The following FILIP1 variants were observed in gnomAD, a reference collection of about 807,000 sequenced individuals.
FILIP1 encodes the protein filamin-A-interacting protein 1.
A neutral mutation model predicts 102.1 loss-of-function variants in FILIP1; 61 were observed. The observed-to-expected ratio is 0.60, with a 90% CI of 0.49 to 0.74. The LOEUF (loss-of-function observed/expected upper bound fraction) is 0.74. Among genes scored for constraint, FILIP1 ranks in the 30% least tolerant of loss-of-function variants. The pLI is 0.00. For synonymous variants in FILIP1, 491 were observed against 526.9 expected (o/e 0.93, Z 0.93); for missense variants, 1,314 against 1,441.2 (o/e 0.91, Z 1.43).
intron 4 of FILIP1, among the ~76,000 whole-genome samples, chr6:75,317,477 T>C (rs1005815241): frequency 5.9e-5 from 9 of 152,234 alleles, no homozygotes; most frequent in African/African-American, 2.2e-4. Flanking sequence ...GCTATTGGCT[T>C]CATCTGGAAA....
At chr6:75,317,017 T>G (rs547706965) in intron 4 of FILIP1, among the ~76,000 whole-genome samples, 1 of 152,230 alleles carries the variant, frequency 6.6e-6, no homozygotes, top group Non-Finnish European at 1.5e-5. Context: ...AAGCTTAACA[T>G]GTTAAAGCTT....
intron 1 of FILIP1, among the ~76,000 whole-genome samples, chr6:75,415,533 GAAAAAAA>G (rs34828375): frequency 1.3e-5 from 1 of 78,760 alleles, no homozygotes; most frequent in African/African-American, 4.9e-5. Flanking sequence ...TCACAGTGTG[GAAAAAAA>G]AAAAAAAAAA....
chr6:75,491,795 CAATT>C (rs1779965376), intron 1 of FILIP1, among the ~76,000 whole-genome samples: 1 of 152,108 alleles, frequency 6.6e-6, no homozygotes, highest in Admixed American at 6.6e-5. Context: ...ACAATGAAGA[CAATT>C]AATGATACTG....
chr6:75,399,422 C>T (rs1425028114), intron 2 of FILIP1: 2 of 152,170 alleles, frequency 1.3e-5, no homozygotes, highest in African/African-American at 4.8e-5. Flanking sequence ...ACTTGGACTG[C>T]TAAGACAATA....
intron 1 of FILIP1, among the ~76,000 whole-genome samples, chr6:75,431,640 C>CCTGTCAGCTGT (rs1299910003): frequency 2.6e-5 from 4 of 152,114 alleles, no homozygotes; most frequent in Non-Finnish European, 5.9e-5. Context: ...AGCTGACAAA[C>CCTGTCAGCTGT]CAGAGTGAGG....
At chr6:75,474,936 C>T (rs1445986834) in intron 1 of FILIP1, among the ~76,000 whole-genome samples, 1 of 152,024 alleles carries the variant, frequency 6.6e-6, no homozygotes, top group Non-Finnish European at 1.5e-5. Context: ...CTCTCCTGCT[C>T]CTGCTCTGGC....
intron 3 of FILIP1, among the ~76,000 whole-genome samples, chr6:75,356,199 T>G (rs1774994396): frequency 6.6e-6 from 1 of 152,190 alleles, no homozygotes; most frequent in Admixed American, 6.5e-5. Context: ...CTATTCCCCT[T>G]TAGTTTCTGT....
Position 75,313,385 on chromosome 6 carries a change from T to G in FILIP1, c.2447A>C (p.Glu816Ala). 2 of 1,614,208 alleles carry G rather than the reference T, an allele frequency of 1.2e-6. No homozygotes were observed. Among genetic ancestry groups the G allele is most frequent in the Non-Finnish European group, 1.7e-6 (2 of 1,180,038 alleles). ...TATGAATACAGCTGGCGTTTCTTCC[T>G]CTGCTGCTTCACCGCTGACTGCATC... is the stretch of plus-strand genomic sequence containing the variant. ...QTDAVSGEAAEEETPAVFIRK... is the reference protein window; with the variant it reads ...QTDAVSGEAAAEETPAVFIRK... Residue 816 changes from glutamate (E) to alanine (A), a missense_variant, in exon 5 of 6, where the codon GAG (glutamate) becomes GCG (alanine). Glu to Ala is a moderately radical substitution (Grantham distance 107). Around this residue, in one of 3 missense-constraint regions of FILIP1, gnomAD observed 816 missense variants for 913.1 expected, o/e 0.89. Coordinates refer to ENST00000237172, the MANE Select transcript of FILIP1 (RefSeq NM_015687.5). The surrounding 1 kb of genome is among the most constrained non-coding windows in gnomAD (Gnocchi z 4.2).
At chr6:75,323,347 A>G (rs1177182785) in intron 4 of FILIP1, among the ~76,000 whole-genome samples, 1 of 152,242 alleles carries the variant, frequency 6.6e-6, no homozygotes, top group Non-Finnish European at 1.5e-5. Context: ...GGTGAATTTT[A>G]CTGTATGTAA....
intron 1 of FILIP1, among the ~76,000 whole-genome samples, chr6:75,433,970 G>C (rs980068133): frequency 2.0e-5 from 3 of 152,026 alleles, no homozygotes; most frequent in East Asian, 3.8e-4. Flanking sequence ...TCTTGTTTTT[G>C]TCAGGTTTGT....
intron 1 of FILIP1, among the ~76,000 whole-genome samples, chr6:75,455,873 A>G (rs1172700198): frequency 6.6e-6 from 1 of 152,192 alleles, no homozygotes; most frequent in African/African-American, 2.4e-5. Flanking sequence ...AATATGTTCT[A>G]TTTCTTAAAG....
chr6:75,482,658 T>C (rs1219004544), intron 1 of FILIP1, among the ~76,000 whole-genome samples: 3 of 152,228 alleles, frequency 2.0e-5, no homozygotes, highest in Non-Finnish European at 4.4e-5. Flanking sequence ...AGTGAACATT[T>C]AAAACATTTG....
intron 2 of FILIP1, among the ~76,000 whole-genome samples, chr6:75,391,532 A>G (rs1034829336): frequency 6.6e-6 from 1 of 152,110 alleles, no homozygotes; most frequent in Non-Finnish European, 1.5e-5. Flanking sequence ...TCACTTTCAT[A>G]CACCTACTGC....
In FILIP1 at chr6:75,314,890, A is replaced by G. The variant is rs766405419; in HGVS notation, c.942T>C (p.His314=). 1.2e-6 allele frequency: 2 copies of G among 1,614,080 alleles called. No individual in the cohort carries two copies. Among genetic ancestry groups the G allele is most frequent in the Middle Eastern group, 1.6e-4 (1 of 6,062 alleles). The change falls in exon 5 of 6, where the codon CAT becomes CAC. Residue 314 remains histidine (H), a synonymous_variant. Coordinates refer to ENST00000237172, the MANE Select transcript of FILIP1 (RefSeq NM_015687.5). ...TAGCCAGTTTAGCGTTCATCTCTTC[A>G]TGCTCTTGAGAAAACCTCGAAGCCT... ...EHKASRFSQE[H]EEMNAKLANQ...
At chr6:75,293,258 G>A (rs1052266215) in exon 7 of FILIP1, 3 of 152,150 alleles carry the variant, frequency 2.0e-5, no homozygotes, top group African/African-American at 7.2e-5. Flanking sequence ...GATGACTGGA[G>A]ACTTATTTAC....
chr6:75,308,878 G>T lies in FILIP1; in HGVS notation c.3455C>A (p.Ser1152Tyr). ...TQSVSGQDGS[S>Y]QRPTPTRIPM... Reference sequence around the variant, plus strand: ...AATGCGGGTGGGTGTAGGCCGCTGGGATGACCCGTCTTGTCCTGACTGTAA... The same window carrying T: ...AATGCGGGTGGGTGTAGGCCGCTGGTATGACCCGTCTTGTCCTGACTGTAA... The change falls in exon 6 of 6, where the codon TCC (serine) becomes TAC (tyrosine). Residue 1152 changes from serine to tyrosine, a missense_variant. By Grantham distance (144) the Ser-to-Tyr change is moderately radical. Around this residue, in one of 3 missense-constraint regions of FILIP1, gnomAD observed 816 missense variants for 913.1 expected, o/e 0.89. Coordinates refer to ENST00000237172, the MANE Select transcript of FILIP1 (RefSeq NM_015687.5). 1.2e-6 allele frequency: 2 copies of T among 1,614,114 alleles called. No individual in the cohort carries two copies.
In FILIP1 at chr6:75,314,416, C is replaced by T. The variant is rs780293127; in HGVS notation, c.1416G>A (p.Val472=). The T allele has an allele frequency of 1.9e-6, 3 of 1,547,218 alleles. No homozygotes were observed. Among genetic ancestry groups the T allele is most frequent in the Non-Finnish European group, 2.6e-6 (3 of 1,155,068 alleles). The change falls in exon 5 of 6, where the codon GTG becomes GTA. Residue 472 remains valine (V), a synonymous_variant. Transcript: ENST00000237172. Reference sequence around the variant, plus strand: ...CCAATTCTTTAACTCGACTCTTGACCACCTCCAATTCATTTAGCAGGTCTT... The same window carrying T: ...CCAATTCTTTAACTCGACTCTTGACTACCTCCAATTCATTTAGCAGGTCTT... ...LTKDLLNELE[V]VKSRVKELEC...
At chr6:75,320,537 A>G (rs1319426081) in intron 4 of FILIP1, among the ~76,000 whole-genome samples, 1 of 152,200 alleles carries the variant, frequency 6.6e-6, no homozygotes, top group Non-Finnish European at 1.5e-5. Flanking sequence ...AGATCACATC[A>G]CTGCACTCCA....
intron 4 of FILIP1, among the ~76,000 whole-genome samples, chr6:75,344,250 G>T (rs1263405240): frequency 6.6e-6 from 1 of 152,060 alleles, no homozygotes; most frequent in Non-Finnish European, 1.5e-5. Flanking sequence ...GGTCTCAATG[G>T]ATTAGCTGAC....
Sources: gnomAD v4.1 joint callset for allele counts (sites outside exome capture counted in the v4.1 genomes callset) on GRCh38, gnomAD v4.1.1 for gene constraint, gnomAD v4.1.1 regional missense constraint, Gnocchi (gnomAD v3.1) non-coding constraint, MANE v1.5 for transcripts, NCBI Gene and HGNC (gene_info 2026-07-23, HGNC 2026-07-21) for gene names.